RANBP2: variants seen among roughly 807,000 people sequenced by gnomAD.
RANBP2 encodes the protein E3 SUMO-protein ligase RanBP2.
Under a neutral mutation model 303.6 loss-of-function variants are expected in RANBP2, and 57 were observed. The ratio of observed to expected loss-of-function variants is 0.19; its 90% CI spans 0.15 to 0.23. The LOEUF (loss-of-function observed/expected upper bound fraction) is 0.23, where lower values mean the gene tolerates loss of function less well. RANBP2 is among the 10% of genes least tolerant of loss of function. The pLI, the probability that RANBP2 is intolerant of heterozygous loss-of-function variation, is 1.00. For missense variants in RANBP2, 3,138 were observed against 3,780.8 expected (o/e 0.83, Z 4.46); for synonymous variants, 1,167 against 1,301.5 (o/e 0.90, Z 2.23).
the RANBP2 span, among the ~76,000 whole-genome samples, chr2:109,258,690 T>A: frequency 9.2e-5 from 14 of 152,340 alleles, no homozygotes; most frequent in South Asian, 2.9e-3. Context: ...GGCAGCCGTG[T>A]CTGAGTGATG....
chr2:109,078,270 A>G, the RANBP2 span, among the ~76,000 whole-genome samples: 10 of 10,426 alleles, frequency 9.6e-4, no homozygotes, highest in South Asian at 0.013. Context: ...TATAGCGCGT[A>G]TATATATATA....
the RANBP2 span, among the ~76,000 whole-genome samples, chr2:108,897,693 C>T: frequency 6.6e-6 from 1 of 152,140 alleles, no homozygotes; most frequent in Non-Finnish European, 1.5e-5. Context: ...TTATCTGAAC[C>T]AAGTCACTGC....
chr2:108,906,958 CA>C, the RANBP2 span, among the ~76,000 whole-genome samples: 728 of 152,338 alleles, frequency 4.8e-3, 7 homozygotes, highest in South Asian at 0.023. Context: ...GCATTTTTGC[CA>C]TCAGTGATGT....
At chr2:109,272,503 T>C in the RANBP2 span, among the ~76,000 whole-genome samples, 1 of 152,194 alleles carries the variant, frequency 6.6e-6, no homozygotes, top group Non-Finnish European at 1.5e-5. Flanking sequence ...CCTCTAACTG[T>C]GTGCTGCACT....
chr2:108,980,969 C>T, the RANBP2 span, among the ~76,000 whole-genome samples: 38 of 66,202 alleles, frequency 5.7e-4, no homozygotes, highest in African/African-American at 1.6e-3. Flanking sequence ...GGACCTCTGA[C>T]GGACTAGACC....
At chr2:109,413,648 A>G in the RANBP2 span, among the ~76,000 whole-genome samples, 4 of 152,022 alleles carry the variant, frequency 2.6e-5, no homozygotes, top group Non-Finnish European at 4.4e-5. Flanking sequence ...TGGCCCCCAC[A>G]TTCCCCTCCC....
At chr2:108,745,364 T>C (rs1318756196) in intron 7 of RANBP2, among the ~76,000 whole-genome samples, 44 of 147,598 alleles carry the variant, frequency 3.0e-4, no homozygotes, top group African/African-American at 5.8e-4. Context: ...TTCTAGTAAG[T>C]GGGCATTGCC....
the RANBP2 span, among the ~76,000 whole-genome samples, chr2:109,681,103 C>T: frequency 6.6e-6 from 1 of 152,202 alleles, no homozygotes; most frequent in African/African-American, 2.4e-5. Context: ...CTAGTGTGGA[C>T]TAACTGCAGT....
At chr2:108,854,066 T>A in the RANBP2 span, among the ~76,000 whole-genome samples, 202 of 121,736 alleles carry the variant, frequency 1.7e-3, 1 homozygote, top group African/African-American at 6.5e-3. Flanking sequence ...TTATATATAT[T>A]TTATATATAA....
At chr2:108,907,174 A>G in the RANBP2 span, among the ~76,000 whole-genome samples, 31 of 152,330 alleles carry the variant, frequency 2.0e-4, no homozygotes, top group South Asian at 6.2e-4. Context: ...ACCTGTTTTT[A>G]TATTTTTAAA....
the RANBP2 span, chr2:109,616,502 G>T: frequency 6.0e-6 from 1 of 167,412 alleles, no homozygotes; most frequent in Non-Finnish European, 1.5e-5. Context: ...AAACTACATT[G>T]TATTTCTAAG....
the RANBP2 span, among the ~76,000 whole-genome samples, chr2:109,426,895 C>T: frequency 6.6e-6 from 1 of 152,106 alleles, no homozygotes; most frequent in Non-Finnish European, 1.5e-5. Flanking sequence ...CAAGACAAGA[C>T]CCTCTACCAG....
chr2:109,312,938 C>T, the RANBP2 span, among the ~76,000 whole-genome samples: 1 of 152,144 alleles, frequency 6.6e-6, no homozygotes, highest in Admixed American at 6.5e-5. Context: ...TATTGAAGAG[C>T]CGCCCTATGT....
the RANBP2 span, chr2:109,419,634 C>T: frequency 2.5e-6 from 4 of 1,578,216 alleles, no homozygotes; most frequent in Middle Eastern, 1.7e-4. Flanking sequence ...TCCAGCTGCC[C>T]CTCAACGTGT....
At chr2:109,552,894 AG>A in the RANBP2 span, 1 of 618,706 alleles carries the variant, frequency 1.6e-6, no homozygotes, top group East Asian at 3.0e-5. Flanking sequence ...TTAAAAAAAA[AG>A]AAGGCCAAAG....
the RANBP2 span, chr2:109,615,798 GACCATCACC>G: frequency 3.5e-5 from 56 of 1,614,122 alleles, no homozygotes; most frequent in Middle Eastern, 8.2e-4. Context: ...AGATGGAGGG[GACCATCACC>G]ACCATCACCA....
At chr2:109,176,574 A>G in the RANBP2 span, among the ~76,000 whole-genome samples, 4,193 of 152,284 alleles carry the variant, frequency 0.028, 176 homozygotes, top group African/African-American at 0.094. Flanking sequence ...CCTACAAAAA[A>G]TTAAAATAAA....
chr2:108,752,792 CAA>C (rs376345958), intron 12 of RANBP2, among the ~76,000 whole-genome samples: 4 of 130,290 alleles, frequency 3.1e-5, no homozygotes, highest in African/African-American at 2.8e-5. Flanking sequence ...GACTCTGTCT[CAA>C]AAAAAAAAAA....
chr2:109,185,116 A>G, the RANBP2 span, among the ~76,000 whole-genome samples: 126 of 152,296 alleles, frequency 8.3e-4, no homozygotes, highest in African/African-American at 2.9e-3. Flanking sequence ...AGAGTGGAAT[A>G]TATTCATTTG....
Sources: allele counts gnomAD v4.1 joint callset (sites outside exome capture counted in the v4.1 genomes callset), GRCh38; gene constraint gnomAD v4.1.1; transcripts MANE v1.5; gene names NCBI Gene and HGNC (gene_info 2026-07-23, HGNC 2026-07-21).